CCNJL: variants seen among roughly 807,000 people sequenced by gnomAD.
CCNJL encodes cyclin-J-like protein.
CCNJL carries 33 observed loss-of-function variants against 33.4 expected under a neutral mutation model. That is an observed-to-expected ratio of 0.99 (90% CI 0.75 to 1.32). The LOEUF (loss-of-function observed/expected upper bound fraction) is 1.32. Among genes scored for constraint, CCNJL ranks in the 40% most tolerant of loss-of-function variants. CCNJL has a pLI of 0.00. For missense variants in CCNJL, 512 were observed against 499.7 expected (o/e 1.02, Z -0.23); for synonymous variants, 227 against 220.9 (o/e 1.03, Z -0.24).
At position 160,251,705 on chromosome 5, in the gene CCNJL, T is replaced by C. The variant is rs1248266157; in HGVS notation, c.*1673A>G. 1 of 151,802 alleles carries C rather than the reference T, an allele frequency of 6.6e-6. No homozygotes were observed. The highest frequency in any genetic ancestry group is 1.5e-5 in the Non-Finnish European group (1 of 67,968). The allele number at this position is 151,802 out of a possible 1,614,324, so 9.4% of individuals were successfully genotyped here. A position where few individuals can be genotyped will look rare whatever the true frequency, so the allele number is the denominator to read the frequency against. On this transcript the variant is annotated 3_prime_UTR_variant, in exon 6 of 6. Coordinates refer to ENST00000257536, the MANE Select transcript of CCNJL (RefSeq NM_001308173.3). ...ATTGTGGGACGCCTCTTTCTGGGGG[T>C]CGTGCTGGCTGTGAGGGAACCCTCA...
At chr5:160,304,987 T>A (rs990223547) in intron 2 of CCNJL, among the ~76,000 whole-genome samples, 2 of 152,104 alleles carry the variant, frequency 1.3e-5, no homozygotes, top group African/African-American at 4.8e-5. Flanking sequence ...CTATTTTTTT[T>A]GTATTTTTAG....
intron 2 of CCNJL, among the ~76,000 whole-genome samples, chr5:160,295,443 G>A (rs542742040): frequency 2.4e-4 from 37 of 152,258 alleles, no homozygotes; most frequent in South Asian, 1.0e-3. Flanking sequence ...AGCCGAGATC[G>A]CGCCACTGCA....
rs1561812477 is a variant in CCNJL, at chr5:160,320,833, CTTT to C, written n.207-5331_207-5329del. Reference sequence around the variant, plus strand: ...TCTTTCTTTCTTTCTTTCTTTCTTTCTTTCTTTCTTTCTTTCCTTCTTTCTTTC... The same window carrying C: ...TCTTTCTTTCTTTCTTTCTTTCTTTCCTTTCTTTCTTTCCTTCTTTCTTTC... On this transcript the variant is annotated intron_variant and non_coding_transcript_variant, in intron 1 of 7. Coordinates refer to the CCNJL transcript ENST00000377503. Among the ~76,000 whole-genome samples, 202 of 119,594 alleles carry C rather than the reference CTTT, an allele frequency of 1.7e-3. 1 individual carries two copies. Among genetic ancestry groups the C allele is most frequent in the African/African-American group, 5.0e-3 (160 of 31,762 alleles). The allele number at this position is 119,594 out of a possible 152,430, so 78.5% of individuals were successfully genotyped here.
rs190579782 is a variant in CCNJL, at chr5:160,309,897, C to T, written c.66+1961G>A. Among the ~76,000 whole-genome samples, 99 of 152,254 alleles carry T rather than the reference C, an allele frequency of 6.5e-4. 1 individual carries two copies. The highest frequency in any genetic ancestry group is 2.2e-3 in the African/African-American group (92 of 41,530). On this transcript the variant is annotated intron_variant, in intron 2 of 5. Coordinates refer to ENST00000257536, the MANE Select transcript of CCNJL (RefSeq NM_001308173.3). The stretch of plus-strand genomic sequence containing the variant: ...AACTGGGACAAACTCATCGTCTCTC[C>T]GAGGTGGGCAGCCCAATAGTAAACT...
chr5:160,283,348 G>A lies in CCNJL; in HGVS notation c.67-2610C>T, dbSNP rs10064801. Among the ~76,000 whole-genome samples, 408 of 152,282 alleles carry A rather than the reference G, an allele frequency of 2.7e-3. 4 individuals carry two copies. Among genetic ancestry groups the A allele is most frequent in the African/African-American group, 9.4e-3 (390 of 41,560 alleles). On this transcript the variant is annotated intron_variant, in intron 2 of 5. Coordinates refer to ENST00000257536, the MANE Select transcript of CCNJL (RefSeq NM_001308173.3). ...TGGTTGCCAGAGGTTAGGGGTAACAGTTAATGGGAAATAACTGCTAATGGG... is the reference window on the plus strand; with the variant it reads ...TGGTTGCCAGAGGTTAGGGGTAACAATTAATGGGAAATAACTGCTAATGGG...
rs35956418 is a variant in CCNJL, at chr5:160,306,270, C to CAAAAAAA, written c.66+5581_66+5587dup. ...TGGGTGACAGAGCAAGACTCCGTCT[C>CAAAAAAA]AAAAAAAAAAAAAAAAAAAAAAGCG... On this transcript the variant is annotated intron_variant, in intron 2 of 5. Transcript: ENST00000257536. Among the ~76,000 whole-genome samples the CAAAAAAA allele has an allele frequency of 2.9e-5, 2 of 68,908 alleles. 1 individual carries two copies. 45.2% of individuals were successfully genotyped at this position (68,908 alleles called of 152,430 possible). A position where few individuals can be genotyped will look rare whatever the true frequency, so the allele number is the denominator to read the frequency against.
rs375246513 is a variant in CCNJL, at chr5:160,284,464, C to T, written c.67-3726G>A. ...CGTTATCACCCACAGTCATGGAGTC[C>T]ACAGTCCAACAAGGGAGAGAGGTGG... On this transcript the variant is annotated intron_variant, in intron 2 of 5. Transcript: ENST00000257536. 1.9e-3 allele frequency among the ~76,000 whole-genome samples: 284 copies of T among 152,306 alleles called. 4 individuals carry two copies. The highest frequency in any genetic ancestry group is 6.7e-3 in the African/African-American group (279 of 41,564).
chr5:160,323,234 CAA>C (rs536222136), intron 1 of CCNJL, among the ~76,000 whole-genome samples: 61 of 98,950 alleles, frequency 6.2e-4, no homozygotes, highest in African/African-American at 9.7e-4. Context: ...GACTCCAACT[CAA>C]AAAAAAAAAA....
In CCNJL at chr5:160,259,745, C is replaced by G; in HGVS notation, c.307G>C (p.Val103Leu). ...CTGTTTATTTGCTCCAACTTGGGGA[C>G]GTGGTCTTCCCGATCCTCGAACTTA... ...ASKFEDREDH[V>L]PKLEQINSTR... Residue 103 changes from valine to leucine, a missense_variant, in exon 4 of 6, where the codon GTC becomes CTC. Val to Leu is a conservative substitution (Grantham distance 32). Transcript: ENST00000257536. 6.2e-7 allele frequency: 1 copy of G among 1,611,488 alleles called. No individual in the cohort carries two copies. The highest frequency in any genetic ancestry group is 8.5e-7 in the Non-Finnish European group (1 of 1,178,094).
chr5:160,259,395 T>C, intron 4 of CCNJL, 74 bp downstream of exon 4: 1 of 1,421,306 alleles, frequency 7.0e-7, no homozygotes. Context: ...ACATGCCTTT[T>C]AGAGCCGCCT....
chr5:160,266,398 G>C (rs1303224867), intron 3 of CCNJL, among the ~76,000 whole-genome samples: 2 of 152,254 alleles, frequency 1.3e-5, no homozygotes, highest in Admixed American at 6.5e-5. Flanking sequence ...CCCAGAAAAG[G>C]CAGAACTTCT....
rs70990720 is a variant in CCNJL, at chr5:160,282,966, A to AATATATATATAT, written c.67-2240_67-2229dup. 2.8e-3 allele frequency among the ~76,000 whole-genome samples: 120 copies of AATATATATATAT among 43,316 alleles called. 5 individuals are homozygous for AATATATATATAT. The highest frequency in any genetic ancestry group is 4.1e-3 in the Admixed American group (10 of 2,436). 28.4% of individuals were successfully genotyped at this position (43,316 alleles called of 152,430 possible). ...GTGACCCAGCCATTCCAGTCCTTGG[A>AATATATATATAT]ATATATATATATATATATATATATA... On this transcript the variant is annotated intron_variant, in intron 2 of 5. Coordinates refer to ENST00000257536, the MANE Select transcript of CCNJL (RefSeq NM_001308173.3).
chr5:160,327,042 T>C (rs1330210626), intron 1 of CCNJL: 2 of 410,380 alleles, frequency 4.9e-6, no homozygotes, highest in Non-Finnish European at 9.3e-6. Flanking sequence ...TTGTCCAATA[T>C]GAACATTTAT....
chr5:160,306,959 G>A (rs1753230884), intron 2 of CCNJL, among the ~76,000 whole-genome samples: 1 of 152,230 alleles, frequency 6.6e-6, no homozygotes, highest in East Asian at 1.9e-4. Context: ...AGGAGAACAT[G>A]CAGGTCTGTA....
chr5:160,256,413 C>T (rs1201031908), intron 4 of CCNJL, among the ~76,000 whole-genome samples: 1 of 152,206 alleles, frequency 6.6e-6, no homozygotes. Flanking sequence ...CCATAGTAGG[C>T]ACTCAGTGAA....
intron 1 of CCNJL, among the ~76,000 whole-genome samples, chr5:160,328,849 C>A (rs969652234): frequency 6.6e-6 from 1 of 150,954 alleles, no homozygotes; most frequent in Non-Finnish European, 1.5e-5. Context: ...CACTGCACTC[C>A]AGCCTGGGCA....
intron 2 of CCNJL, among the ~76,000 whole-genome samples, chr5:160,301,619 T>C (rs1340052480): frequency 2.0e-5 from 3 of 150,632 alleles, no homozygotes. Context: ...TTATTTTTAG[T>C]AGAGATGGGA....
At chr5:160,288,166 AG>A (rs1762469643) in intron 2 of CCNJL, among the ~76,000 whole-genome samples, 1 of 152,178 alleles carries the variant, frequency 6.6e-6, no homozygotes, top group African/African-American at 2.4e-5. Context: ...AACTTAGAAA[AG>A]ATACATCAAA....
At chr5:160,307,163 T>G (rs181988549) in intron 2 of CCNJL, among the ~76,000 whole-genome samples, 2 of 152,346 alleles carry the variant, frequency 1.3e-5, no homozygotes. Flanking sequence ...CACTCTTTTG[T>G]GCACTCCCAA....
Sources: gnomAD v4.1 joint callset for allele counts (sites outside exome capture counted in the v4.1 genomes callset) on GRCh38, gnomAD v4.1.1 for gene constraint, MANE v1.5 for transcripts, NCBI Gene and HGNC (gene_info 2026-07-23, HGNC 2026-07-21) for gene names.